The following CDH12 variants were observed in gnomAD, a reference collection of about 807,000 sequenced individuals.
The protein encoded by CDH12 is cadherin 12.
Under a neutral mutation model 74.1 loss-of-function variants are expected in CDH12, and 41 were observed. The ratio of observed to expected loss-of-function variants is 0.55; its 90% CI spans 0.43 to 0.72. The LOEUF (loss-of-function observed/expected upper bound fraction) is 0.72, where lower values mean the gene tolerates loss of function less well. Ranked by LOEUF, CDH12 falls within the 30% of genes least tolerant of loss-of-function variation. The pLI is 0.00. For synonymous variants in CDH12, 399 were observed against 355.0 expected (o/e 1.12, Z -1.39); for missense variants, 945 against 977.2 (o/e 0.97, Z 0.44).
At chr5:21,817,165 G>A (rs1307983904) in intron 8 of CDH12, 33 bp from the exon 9 acceptor site, 1 of 1,461,564 alleles carries the variant, frequency 6.8e-7, no homozygotes, top group Non-Finnish European at 9.5e-7. Flanking sequence ...AATTGACAGT[G>A]GGGTTAGTAA....
intron 6 of CDH12, among the ~76,000 whole-genome samples, chr5:21,862,304 A>G (rs1751085111): frequency 6.6e-6 from 1 of 152,118 alleles, no homozygotes; most frequent in Admixed American, 6.6e-5. Flanking sequence ...TATTTGATTT[A>G]ATTAAGACTA....
chr5:22,813,412 G>A (rs912169010), intron 1 of CDH12, among the ~76,000 whole-genome samples: 4 of 151,780 alleles, frequency 2.6e-5, no homozygotes, highest in African/African-American at 4.8e-5. Context: ...TTTTTCTTTC[G>A]TCTCATTTTA....
intron 6 of CDH12, among the ~76,000 whole-genome samples, chr5:21,919,593 C>G (rs1754260777): frequency 6.6e-6 from 1 of 152,088 alleles, no homozygotes; most frequent in African/African-American, 2.4e-5. Flanking sequence ...CAACCCCTAG[C>G]CACGTGCAGT....
chr5:22,828,130 A>G (rs1382308272), intron 1 of CDH12, among the ~76,000 whole-genome samples: 1 of 152,136 alleles, frequency 6.6e-6, no homozygotes, highest in Non-Finnish European at 1.5e-5. Flanking sequence ...AGGGCAAATA[A>G]TCTGATTAGA....
chr5:22,247,419 A>C (rs1034125476), intron 3 of CDH12, among the ~76,000 whole-genome samples: 1 of 152,170 alleles, frequency 6.6e-6, no homozygotes, highest in Non-Finnish European at 1.5e-5. Flanking sequence ...GCTCATGCCT[A>C]TAATCCCAGC....
intron 5 of CDH12, among the ~76,000 whole-genome samples, chr5:22,051,540 T>C (rs932778572): frequency 5.9e-5 from 9 of 152,294 alleles, no homozygotes; most frequent in Admixed American, 5.9e-4. Flanking sequence ...TCATCCTGGC[T>C]ACTCCAGTTA....
At chr5:22,332,623 AAAAC>A (rs1249612134) in intron 3 of CDH12, among the ~76,000 whole-genome samples, 1 of 152,194 alleles carries the variant, frequency 6.6e-6, no homozygotes, top group Non-Finnish European at 1.5e-5. Flanking sequence ...TTAAAAGAAT[AAAAC>A]AAACAACCCC....
chr5:22,764,407 TC>T (rs1185833101), intron 1 of CDH12, among the ~76,000 whole-genome samples: 1 of 151,932 alleles, frequency 6.6e-6, no homozygotes, highest in African/African-American at 2.4e-5. Context: ...ATTTCCTTCT[TC>T]AGAATGCTGA....
chr5:22,119,884 T>C (rs566635063), intron 4 of CDH12, among the ~76,000 whole-genome samples: 3 of 152,310 alleles, frequency 2.0e-5, no homozygotes, highest in South Asian at 4.1e-4. Flanking sequence ...TAAACATTGG[T>C]ATTATTCTCA....
intron 2 of CDH12, among the ~76,000 whole-genome samples, chr5:22,500,750 T>G (rs1446777430): frequency 2.6e-5 from 4 of 152,170 alleles, no homozygotes; most frequent in African/African-American, 9.6e-5. Context: ...CTCATTGGTT[T>G]TAATCCTTAC....
At chr5:22,461,200 G>A (rs1184169640) in intron 2 of CDH12, among the ~76,000 whole-genome samples, 3 of 151,474 alleles carry the variant, frequency 2.0e-5, no homozygotes, top group Non-Finnish European at 4.4e-5. Context: ...GCTAATTTTT[G>A]TATTTTTAGT....
intron 3 of CDH12, among the ~76,000 whole-genome samples, chr5:22,324,007 ATGT>A (rs1461056154): frequency 2.6e-5 from 4 of 152,166 alleles, no homozygotes; most frequent in Non-Finnish European, 5.9e-5. Flanking sequence ...CCATTGGAAC[ATGT>A]TATTATTGTA....
intron 1 of CDH12, among the ~76,000 whole-genome samples, chr5:22,806,012 T>C (rs559637373): frequency 6.6e-6 from 1 of 152,348 alleles, no homozygotes; most frequent in Non-Finnish European, 1.5e-5. Flanking sequence ...GGCTGCATAG[T>C]ATTCCTTGAT....
intron 4 of CDH12, among the ~76,000 whole-genome samples, chr5:22,150,426 C>T (rs114581374): frequency 0.019 from 2,901 of 151,748 alleles, 40 homozygotes; most frequent in Non-Finnish European, 0.031. Flanking sequence ...ATTCAGTACT[C>T]AATAACTAGC....
At chr5:22,112,167 ACACTT>A (rs1047792322) in intron 4 of CDH12, among the ~76,000 whole-genome samples, 2 of 152,118 alleles carry the variant, frequency 1.3e-5, no homozygotes, top group African/African-American at 4.8e-5. Context: ...TTGAAAAAAA[ACACTT>A]CAACTTAACT....
intron 1 of CDH12, among the ~76,000 whole-genome samples, chr5:22,635,190 C>A (rs1738776164): frequency 6.6e-6 from 1 of 152,010 alleles, no homozygotes; most frequent in African/African-American, 2.4e-5. Flanking sequence ...GAAATAAGCC[C>A]ATACTTTTAT....
chr5:22,010,350 T>A (rs146945823), intron 5 of CDH12, among the ~76,000 whole-genome samples: 1 of 152,188 alleles, frequency 6.6e-6, no homozygotes, highest in Non-Finnish European at 1.5e-5. Context: ...ATCATGAGAA[T>A]GCTGGACTAA....
At chr5:22,643,832 C>T (rs1331828403) in intron 1 of CDH12, among the ~76,000 whole-genome samples, 1 of 134,546 alleles carries the variant, frequency 7.4e-6, no homozygotes. Context: ...ACGGCATGTG[C>T]TTACTTCATG....
chr5:22,295,575 G>A (rs1737586049), intron 3 of CDH12, among the ~76,000 whole-genome samples: 1 of 152,078 alleles, frequency 6.6e-6, no homozygotes. Flanking sequence ...TTTTAGTATA[G>A]TGTTATTTTA....
Sources: gnomAD v4.1 joint callset for allele counts (sites outside exome capture counted in the v4.1 genomes callset) on GRCh38, gnomAD v4.1.1 for gene constraint, MANE v1.5 for transcripts, NCBI Gene and HGNC (gene_info 2026-07-23, HGNC 2026-07-21) for gene names.